The following RNF13 variants were observed in gnomAD, a reference collection of about 807,000 sequenced individuals.
RNF13 encodes E3 ubiquitin-protein ligase RNF13.
In RNF13, 19 loss-of-function variants were observed where a neutral mutation model predicts 37.7. The ratio of observed to expected loss-of-function variants is 0.50; its 90% CI spans 0.35 to 0.74. The LOEUF (loss-of-function observed/expected upper bound fraction) is 0.74. Ranked by LOEUF, RNF13 falls within the 30% of genes least tolerant of loss-of-function variation. The probability of loss-of-function intolerance (pLI) is 0.01; values close to 1 mark genes in which losing one functional copy is unlikely to be tolerated. For synonymous variants in RNF13, 144 were observed against 157.8 expected, an observed-to-expected ratio of 0.91 and a Z score of 0.65; for missense variants, 375 against 453.0, an observed-to-expected ratio of 0.83 and a Z score of 1.56.
At chr3:149,953,173 C>G (rs1027959454) in intron 8 of RNF13, among the ~76,000 whole-genome samples, 1 of 151,762 alleles carries the variant, frequency 6.6e-6, no homozygotes, top group Non-Finnish European at 1.5e-5. Flanking sequence ...GATATCAATT[C>G]CTAGACTTGG....
intron 8 of RNF13, among the ~76,000 whole-genome samples, chr3:149,943,958 C>T (rs1453174178): frequency 6.6e-6 from 1 of 152,052 alleles, no homozygotes; most frequent in African/African-American, 2.4e-5. Context: ...GCTATCCCTC[C>T]CCCTCCCCCA....
chr3:149,876,236 T>C (rs1712675592), intron 4 of RNF13, among the ~76,000 whole-genome samples: 1 of 152,244 alleles, frequency 6.6e-6, no homozygotes, highest in Non-Finnish European at 1.5e-5. Flanking sequence ...GTGCAACATA[T>C]GCACTTTATT....
chr3:149,960,882 T>G lies in RNF13; in HGVS notation c.924T>G (p.His308Gln). The G allele has an allele frequency of 6.2e-7, 1 of 1,614,186 alleles. No individual in the cohort carries two copies. Among genetic ancestry groups the G allele is most frequent in the Non-Finnish European group, 8.5e-7 (1 of 1,180,032 alleles). Residue 308 changes from histidine (H) to glutamine (Q), a missense_variant, in exon 10 of 10, where the codon CAT (histidine) becomes CAG (glutamine). His to Gln is a conservative substitution (Grantham distance 24). Transcript: ENST00000392894. ...AAGAAGAAAATGAAGTGACAGAACA[T>G]ACCCCTTTACTGAGACCTTTAGCTT... is the stretch of plus-strand genomic sequence containing the variant. ...SSQEENEVTE[H>Q]TPLLRPLASV... is the part of the protein sequence containing the mutation.
At chr3:149,955,412 G>A (rs1559976430) in intron 8 of RNF13, among the ~76,000 whole-genome samples, 1 of 151,910 alleles carries the variant, frequency 6.6e-6, no homozygotes, top group Non-Finnish European at 1.5e-5. Context: ...TAATCAGAAA[G>A]AGTTCTCAGG....
rs188405237 is a variant in RNF13, at chr3:149,841,556, A to G, written c.-16-4455A>G. On this transcript the variant is annotated intron_variant, in intron 1 of 9. Coordinates refer to ENST00000392894, the MANE Select transcript of RNF13 (RefSeq NM_183381.3). The stretch of plus-strand genomic sequence containing the variant: ...ATTGCTGGAAACAGTGAGCTGATTG[A>G]TCAGAGCAAGGGTGAGTGGTAGAGT... 2.1e-4 allele frequency among the ~76,000 whole-genome samples: 32 copies of G among 152,352 alleles called. No individual in the cohort carries two copies. The Middle Eastern group carries it at 0.024, about 113-fold the overall frequency.
chr3:149,933,463 C>A (rs1247254542), intron 8 of RNF13, among the ~76,000 whole-genome samples: 1 of 151,828 alleles, frequency 6.6e-6, no homozygotes, highest in Non-Finnish European at 1.5e-5. Flanking sequence ...AGATTACTTT[C>A]TTATTTTTCA....
intron 1 of RNF13, among the ~76,000 whole-genome samples, chr3:149,842,416 C>A (rs1334080709): frequency 2.6e-5 from 4 of 152,202 alleles, no homozygotes; most frequent in Admixed American, 6.5e-5. Context: ...CCCTTCTGTG[C>A]ATAATTGTAT....
chr3:149,873,681 C>T (rs537354953), intron 4 of RNF13, among the ~76,000 whole-genome samples: 14 of 152,262 alleles, frequency 9.2e-5, no homozygotes, highest in Admixed American at 3.9e-4. Context: ...TCTGTCTCAT[C>T]GGTTACATGC....
At position 149,900,054 on chromosome 3, in the gene RNF13, T is replaced by C. The variant is rs993332582; in HGVS notation, c.410-2018T>C. On this transcript the variant is annotated intron_variant, in intron 5 of 9. Transcript: ENST00000392894. Reference sequence around the variant, plus strand: ...AAAGTATTTTGTGAAGTAAAACATATTTAGTTTTGTTTTCAGTAGATAATG... The same window carrying C: ...AAAGTATTTTGTGAAGTAAAACATACTTAGTTTTGTTTTCAGTAGATAATG... 2.6e-5 allele frequency among the ~76,000 whole-genome samples: 4 copies of C among 152,328 alleles called. No homozygotes were observed. The East Asian group carries it at 5.8e-4, about 22-fold the overall frequency.
intron 8 of RNF13, among the ~76,000 whole-genome samples, chr3:149,946,518 A>T (rs1215290166): frequency 1.3e-5 from 2 of 152,012 alleles, no homozygotes; most frequent in Non-Finnish European, 2.9e-5. Context: ...GTTCACATAG[A>T]TTTCTTATTT....
At chr3:149,854,629 C>T (rs556033573) in intron 3 of RNF13, among the ~76,000 whole-genome samples, 3 of 152,340 alleles carry the variant, frequency 2.0e-5, no homozygotes, top group East Asian at 1.9e-4. Context: ...CCCAGAACCA[C>T]CTTGCAGGAC....
chr3:149,930,731 G>A (rs1719080771), intron 8 of RNF13, among the ~76,000 whole-genome samples: 1 of 152,096 alleles, frequency 6.6e-6, no homozygotes, highest in Non-Finnish European at 1.5e-5. Context: ...ATCGGTTCAG[G>A]TTCTTTAATA....
chr3:149,921,534 G>A (rs113076370), intron 8 of RNF13, among the ~76,000 whole-genome samples: 5 of 151,798 alleles, frequency 3.3e-5, no homozygotes, highest in African/African-American at 1.2e-4. Context: ...TTCCACTTAT[G>A]AGTGAGAACA....
Position 149,960,984 on chromosome 3 carries a change from G to A in RNF13, c.1026G>A (p.Glu342=). ...ACATGACAGAATCTTCAGACTATGAGGAAGACGACAATGAAGATACTGACA... is the reference window on the plus strand; with the variant it reads ...ACATGACAGAATCTTCAGACTATGAAGAAGACGACAATGAAGATACTGACA... The part of the protein sequence containing the change: ...HQNMTESSDY[E]EDDNEDTDSS... Residue 342 remains glutamate, a synonymous_variant, in exon 10 of 10, where the codon GAG becomes GAA. Coordinates refer to ENST00000392894, the MANE Select transcript of RNF13 (RefSeq NM_183381.3). 2 of 1,614,176 alleles carry A rather than the reference G, an allele frequency of 1.2e-6. No homozygotes were observed. Among genetic ancestry groups the A allele is most frequent in the Non-Finnish European group, 1.7e-6 (2 of 1,180,030 alleles).
At chr3:149,877,420 A>G (rs973245419) in intron 4 of RNF13, among the ~76,000 whole-genome samples, 2 of 150,566 alleles carry the variant, frequency 1.3e-5, no homozygotes, top group Non-Finnish European at 3.0e-5. Flanking sequence ...AAATTACCAT[A>G]AACATTTTTG....
At chr3:149,945,548 C>A (rs1362965640) in intron 8 of RNF13, among the ~76,000 whole-genome samples, 1 of 152,202 alleles carries the variant, frequency 6.6e-6, no homozygotes, top group East Asian at 1.9e-4. Context: ...ATGTCCCTGT[C>A]TGACAGCTTT....
intron 4 of RNF13, among the ~76,000 whole-genome samples, chr3:149,894,586 AC>A (rs1335931020): frequency 6.6e-6 from 1 of 152,168 alleles, no homozygotes; most frequent in African/African-American, 2.4e-5. Flanking sequence ...TCTGAGACAT[AC>A]CATTGTGGAA....
chr3:149,887,202 G>A (rs1701535304), intron 4 of RNF13, among the ~76,000 whole-genome samples: 1 of 152,174 alleles, frequency 6.6e-6, no homozygotes, highest in Non-Finnish European at 1.5e-5. Context: ...GACTTTACAT[G>A]GAACTCAGTG....
chr3:149,935,827 G>C (rs1341177705), intron 8 of RNF13, among the ~76,000 whole-genome samples: 1 of 152,128 alleles, frequency 6.6e-6, no homozygotes. Flanking sequence ...AAATTTGTCT[G>C]TATATTTTTA....
Sources: allele counts gnomAD v4.1 joint callset (sites outside exome capture counted in the v4.1 genomes callset), GRCh38; gene constraint gnomAD v4.1.1; transcripts MANE v1.5; gene names NCBI Gene and HGNC (gene_info 2026-07-23, HGNC 2026-07-21).